The following AGBL1 variants were observed in gnomAD, a reference collection of about 807,000 sequenced individuals.
The protein encoded by AGBL1 is AGBL carboxypeptidase 1.
In AGBL1, 130 loss-of-function variants were observed where a neutral mutation model predicts 118.9. The observed-to-expected ratio is 1.09, with a 90% CI of 0.95 to 1.26. The LOEUF (loss-of-function observed/expected upper bound fraction) is 1.26. Among genes scored for constraint, AGBL1 ranks in the 50% most tolerant of loss-of-function variants. The probability of loss-of-function intolerance (pLI) is 0.00; values close to 1 mark genes in which losing one functional copy is unlikely to be tolerated. For missense variants in AGBL1, 1,584 were observed against 1,298.1 expected (o/e 1.22, Z -3.38); for synonymous variants, 555 against 478.9 (o/e 1.16, Z -2.08).
chr15:86,923,775 A>C (rs1361804248), intron 23 of AGBL1, among the ~76,000 whole-genome samples: 1 of 152,162 alleles, frequency 6.6e-6, no homozygotes, highest in Non-Finnish European at 1.5e-5. Flanking sequence ...ATAAAACTTC[A>C]TGTTAAATAT....
intron 22 of AGBL1, among the ~76,000 whole-genome samples, chr15:86,728,599 G>T (rs1213282450): frequency 6.6e-6 from 1 of 152,132 alleles, no homozygotes; most frequent in East Asian, 1.9e-4. Flanking sequence ...CCTTTATTTA[G>T]AATTCTGATA....
chr15:86,431,938 T>A (rs180895461), intron 18 of AGBL1, among the ~76,000 whole-genome samples: 1 of 152,130 alleles, frequency 6.6e-6, no homozygotes, highest in African/African-American at 2.4e-5. Flanking sequence ...GGGCTGTGTA[T>A]TGGCAACACG....
intron 21 of AGBL1, among the ~76,000 whole-genome samples, chr15:86,572,433 G>A (rs2084023199): frequency 6.6e-6 from 1 of 152,240 alleles, no homozygotes; most frequent in South Asian, 2.1e-4. Context: ...GTACCATACC[G>A]TGCTGCTCTC....
intron 22 of AGBL1, among the ~76,000 whole-genome samples, chr15:86,773,843 C>T (rs557589138): frequency 2.6e-5 from 4 of 151,950 alleles, no homozygotes; most frequent in Non-Finnish European, 5.9e-5. Flanking sequence ...GATTTCTTAT[C>T]TCCATGGGGT....
chr15:86,528,070 TTTTA>T (rs1339740315), intron 19 of AGBL1, among the ~76,000 whole-genome samples: 1 of 152,200 alleles, frequency 6.6e-6, no homozygotes, highest in African/African-American at 2.4e-5. Flanking sequence ...AAAGAAAATA[TTTTA>T]TTTAAGATTG....
chr15:86,103,949 G>A (rs1022104421), intron 1 of AGBL1, among the ~76,000 whole-genome samples: 1 of 152,154 alleles, frequency 6.6e-6, no homozygotes, highest in African/African-American at 2.4e-5. Context: ...AGTAGCCATA[G>A]CAGGACAACC....
chr15:87,026,231 G>C (rs750401880), intron 24 of AGBL1, among the ~76,000 whole-genome samples: 1 of 151,960 alleles, frequency 6.6e-6, no homozygotes, highest in Non-Finnish European at 1.5e-5. Flanking sequence ...CCCAGAGTGG[G>C]AAAAAATTCT....
At chr15:86,388,478 A>C (rs964154972) in intron 17 of AGBL1, among the ~76,000 whole-genome samples, 1 of 152,168 alleles carries the variant, frequency 6.6e-6, no homozygotes, top group Non-Finnish European at 1.5e-5. Context: ...CATTAAATTT[A>C]GTGCAGCAAA....
chr15:86,143,618 C>A, intron 2 of AGBL1, 81 bp from the exon 3 acceptor site: 1 of 1,513,600 alleles, frequency 6.6e-7, no homozygotes. Flanking sequence ...TGCTCTGTCT[C>A]TAGTTGGGAG....
At chr15:86,412,141 A>T (rs552456063) in intron 18 of AGBL1, among the ~76,000 whole-genome samples, 1 of 152,306 alleles carries the variant, frequency 6.6e-6, no homozygotes, top group African/African-American at 2.4e-5. Context: ...ATTACTTGGC[A>T]TTTTTCCCTC....
chr15:86,598,453 G>T (rs1033007295), intron 21 of AGBL1, among the ~76,000 whole-genome samples: 14 of 152,200 alleles, frequency 9.2e-5, no homozygotes, highest in Admixed American at 2.0e-4. Context: ...TACTTTGCCT[G>T]TTTGATCCAA....
At chr15:86,514,677 T>G (rs2142184940) in intron 18 of AGBL1, among the ~76,000 whole-genome samples, 1 of 152,226 alleles carries the variant, frequency 6.6e-6, no homozygotes, top group African/African-American at 2.4e-5. Context: ...CACTTGCCCC[T>G]CAGTCTTCTT....
rs1469349193 is a variant in AGBL1, at chr15:86,233,365, C to T, written c.526+8414C>T. ...AGCCCAGGCGAGGAGATTAGAAATT[C>T]TTTAGTAGCAAAACCTTTTTTTTTT... is the stretch of plus-strand genomic sequence containing the variant. On this transcript the variant is annotated intron_variant, in intron 6 of 22. Transcript: ENST00000614907. Among the ~76,000 whole-genome samples the T allele has an allele frequency of 2.0e-5, 3 of 150,206 alleles. No individual in the cohort carries two copies. The East Asian group carries it at 5.8e-4, about 29-fold the overall frequency.
chr15:86,172,180 T>C (rs1391494373), intron 5 of AGBL1, among the ~76,000 whole-genome samples: 2 of 152,148 alleles, frequency 1.3e-5, no homozygotes, highest in African/African-American at 4.8e-5. Flanking sequence ...CAAAAACCTA[T>C]TGAAATAAAA....
chr15:86,695,244 T>G (rs2086236656), intron 22 of AGBL1, among the ~76,000 whole-genome samples: 1 of 151,838 alleles, frequency 6.6e-6, no homozygotes, highest in Non-Finnish European at 1.5e-5. Context: ...TGTTGGTAAT[T>G]TTTTGTATTA....
chr15:86,395,253 C>A (rs1411211022), intron 17 of AGBL1, among the ~76,000 whole-genome samples: 1 of 151,998 alleles, frequency 6.6e-6, no homozygotes, highest in African/African-American at 2.4e-5. Flanking sequence ...TTTGCTTGAG[C>A]CACACATAAC....
At chr15:86,471,228 T>G (rs1346482021) in intron 18 of AGBL1, among the ~76,000 whole-genome samples, 1 of 152,184 alleles carries the variant, frequency 6.6e-6, no homozygotes, top group East Asian at 1.9e-4. Context: ...CTTCTACATC[T>G]AATTGGTTGA....
intron 1 of AGBL1, among the ~76,000 whole-genome samples, chr15:86,098,217 T>G (rs990872278): frequency 1.3e-4 from 20 of 152,210 alleles, no homozygotes; most frequent in African/African-American, 4.3e-4. Context: ...TATTAGTCCC[T>G]TCTTGGATGA....
intron 1 of AGBL1, among the ~76,000 whole-genome samples, chr15:86,130,674 C>T (rs981980325): frequency 6.6e-6 from 1 of 152,088 alleles, no homozygotes; most frequent in South Asian, 2.1e-4. Context: ...TTCTTTTTCA[C>T]TGTCATGCAT....
Sources: allele counts gnomAD v4.1 joint callset (sites outside exome capture counted in the v4.1 genomes callset), GRCh38; gene constraint gnomAD v4.1.1; transcripts MANE v1.5; gene names NCBI Gene and HGNC (gene_info 2026-07-23, HGNC 2026-07-21).